The following MYMX variants were observed in gnomAD, a reference collection of about 807,000 sequenced individuals.
MYMX encodes the protein protein myomixer.
At chr6:44,206,421 G>C in the MYMX span, among the ~76,000 whole-genome samples, 5 of 149,774 alleles carry the variant, frequency 3.3e-5, no homozygotes, top group Non-Finnish European at 7.4e-5. Context: ...TAGTAGAGAC[G>C]GGGTTTTGCT....
the MYMX span, among the ~76,000 whole-genome samples, chr6:44,211,648 C>T: frequency 6.9e-6 from 1 of 145,354 alleles, no homozygotes; most frequent in African/African-American, 2.6e-5. Flanking sequence ...CACGAAGTCT[C>T]ACTGTGTCGC....
upstream of MYMX, among the ~76,000 whole-genome samples, chr6:44,215,547 T>G (rs905733765): frequency 6.6e-6 from 1 of 152,084 alleles, no homozygotes; most frequent in Non-Finnish European, 1.5e-5. Context: ...CACTCCAGCC[T>G]GGGTGACAGA....
the MYMX span, among the ~76,000 whole-genome samples, chr6:44,204,451 G>C: frequency 6.6e-6 from 1 of 152,164 alleles, no homozygotes; most frequent in African/African-American, 2.4e-5. Context: ...CCAGTGACTA[G>C]ACTGTGCCAC....
chr6:44,217,837 G>A lies in MYMX; in HGVS notation c.*111G>A, dbSNP rs2128332478. On this transcript the variant is annotated 3_prime_UTR_variant, in exon 2 of 2. Coordinates refer to ENST00000573382, the MANE Select transcript of MYMX (RefSeq NM_001315494.2). ...GCCCAGTGGACAGAAGATATAGTGA[G>A]GGTTGTGCATGAGAGGGATCTGCCA... 2 of 399,922 alleles carry A rather than the reference G, an allele frequency of 5.0e-6. No individual in the cohort carries two copies. Among genetic ancestry groups the A allele is most frequent in the South Asian group, 2.8e-4 (2 of 7,194 alleles). The allele number at this position is 399,922 out of a possible 1,614,324, so 24.8% of individuals were successfully genotyped here. A position where few individuals can be genotyped will look rare whatever the true frequency, so the allele number is the denominator to read the frequency against.
At chr6:44,203,365 G>A in the MYMX span, among the ~76,000 whole-genome samples, 4 of 152,200 alleles carry the variant, frequency 2.6e-5, no homozygotes, top group African/African-American at 4.8e-5. Flanking sequence ...TCAACTTAGC[G>A]GTTTATTTTG....
upstream of MYMX, among the ~76,000 whole-genome samples, chr6:44,214,147 G>C (rs1775743345): frequency 6.6e-6 from 1 of 152,160 alleles, no homozygotes; most frequent in African/African-American, 2.4e-5. Flanking sequence ...TGTTTTATAA[G>C]CATCATTCAG....
the MYMX span, among the ~76,000 whole-genome samples, chr6:44,193,038 G>C: frequency 6.6e-6 from 1 of 152,034 alleles, no homozygotes; most frequent in Admixed American, 6.6e-5. Context: ...ACCCTCCCAG[G>C]TCTGATGCAC....
At chr6:44,209,002 C>T in the MYMX span, among the ~76,000 whole-genome samples, 1 of 152,178 alleles carries the variant, frequency 6.6e-6, no homozygotes, top group Non-Finnish European at 1.5e-5. Flanking sequence ...CTTGCTCTGT[C>T]GCCCAGGCAG....
At chr6:44,211,788 T>TTTTTTGTGTGTGTGTGTGTG in the MYMX span, among the ~76,000 whole-genome samples, 26 of 126,424 alleles carry the variant, frequency 2.1e-4, no homozygotes, top group African/African-American at 5.9e-4. Context: ...CAGCTAGGTT[T>TTTTTTGTGTGTGTGTGTGTG]TGTGTGTGTG....
chr6:44,213,883 T>C (rs554463350), upstream of MYMX, among the ~76,000 whole-genome samples: 3 of 152,354 alleles, frequency 2.0e-5, no homozygotes, highest in East Asian at 5.8e-4. Context: ...TGAACATAGC[T>C]CACTGCAACC....
the MYMX span, among the ~76,000 whole-genome samples, chr6:44,200,165 C>A: frequency 1.3e-5 from 2 of 149,898 alleles, no homozygotes; most frequent in Non-Finnish European, 2.9e-5. Context: ...GAAGAGCCTA[C>A]CTCTTAAAAA....
chr6:44,211,197 G>A, the MYMX span, among the ~76,000 whole-genome samples: 1 of 152,180 alleles, frequency 6.6e-6, no homozygotes, highest in African/African-American at 2.4e-5. Flanking sequence ...GAATGCTGCT[G>A]TAACAGTTTG....
chr6:44,198,641 G>C, the MYMX span, among the ~76,000 whole-genome samples: 1 of 151,778 alleles, frequency 6.6e-6, no homozygotes, highest in East Asian at 1.9e-4. Flanking sequence ...CCAGTAGCTG[G>C]GATTACAGGC....
At chr6:44,213,301 G>A (rs1024946246), upstream of MYMX, among the ~76,000 whole-genome samples, 15 of 151,876 alleles carry the variant, frequency 9.9e-5, no homozygotes, top group Admixed American at 2.6e-4. Context: ...CAGGAGAATC[G>A]CTTGAACGCG....
chr6:44,208,898 A>G, the MYMX span, among the ~76,000 whole-genome samples: 2 of 152,210 alleles, frequency 1.3e-5, no homozygotes, highest in Non-Finnish European at 2.9e-5. Context: ...CAGATCACCT[A>G]GGAATAGGCC....
the MYMX span, among the ~76,000 whole-genome samples, chr6:44,207,674 A>AG: frequency 6.6e-6 from 1 of 151,876 alleles, no homozygotes; most frequent in African/African-American, 2.4e-5. Flanking sequence ...CTGGGATTAC[A>AG]GGCATGCACC....
the MYMX span, among the ~76,000 whole-genome samples, chr6:44,194,453 G>T: frequency 1.3e-5 from 2 of 152,216 alleles, no homozygotes; most frequent in Non-Finnish European, 2.9e-5. Flanking sequence ...CAGGGAGCAG[G>T]CTGCACTCCC....
At chr6:44,201,429 C>T in the MYMX span, among the ~76,000 whole-genome samples, 1 of 152,184 alleles carries the variant, frequency 6.6e-6, no homozygotes, top group Non-Finnish European at 1.5e-5. Flanking sequence ...TCCCTGGCTC[C>T]TTGTCAGAAC....
chr6:44,198,382 GT>G, the MYMX span, among the ~76,000 whole-genome samples: 1 of 151,820 alleles, frequency 6.6e-6, no homozygotes, highest in East Asian at 1.9e-4. Flanking sequence ...AGCCAGGATG[GT>G]CTCGATCTCC....
Sources: gnomAD v4.1 joint callset for allele counts (sites outside exome capture counted in the v4.1 genomes callset) on GRCh38, gnomAD v4.1.1 for gene constraint, MANE v1.5 for transcripts, NCBI Gene and HGNC (gene_info 2026-07-23, HGNC 2026-07-21) for gene names.